Variants in CRAMP1 observed in about 807,000 individuals in gnomAD.
The protein encoded by CRAMP1 is cramped chromatin regulator 1, also known as protein cramped-like.
Under a neutral mutation model 115.4 loss-of-function variants are expected in CRAMP1, and 50 were observed. That is an observed-to-expected ratio of 0.43 (90% CI 0.35 to 0.55). The LOEUF (loss-of-function observed/expected upper bound fraction) is 0.55. Among genes scored for constraint, CRAMP1 ranks in the 20% least tolerant of loss-of-function variants. CRAMP1 has a pLI of 0.01. For missense variants in CRAMP1, 1,679 were observed against 1,721.7 expected (o/e 0.98, Z 0.44); for synonymous variants, 866 against 745.4 (o/e 1.16, Z -2.64).
At chr16:1,619,935 A>G (rs1198544913) in intron 2 of CRAMP1, among the ~76,000 whole-genome samples, 7 of 152,178 alleles carry the variant, frequency 4.6e-5, no homozygotes, top group African/African-American at 7.2e-5. Flanking sequence ...GATTGATGGG[A>G]CAATGCGAGG....
intron 18 of CRAMP1, 41 bp downstream of exon 18, chr16:1,668,234 T>A: frequency 7.2e-7 from 1 of 1,393,848 alleles, no homozygotes; most frequent in Non-Finnish European, 1.0e-6. Context: ...TGTCATCAGG[T>A]GTTGATCTCC....
intron 2 of CRAMP1, among the ~76,000 whole-genome samples, chr16:1,618,608 G>A (rs988839940): frequency 1.3e-5 from 2 of 152,198 alleles, no homozygotes; most frequent in Non-Finnish European, 1.5e-5. Context: ...ATAGGGTAAT[G>A]TAGTCTGAAG....
At chr16:1,621,990 C>T (rs1379848810) in intron 2 of CRAMP1, among the ~76,000 whole-genome samples, 1 of 152,170 alleles carries the variant, frequency 6.6e-6, no homozygotes, top group Non-Finnish European at 1.5e-5. Context: ...TCAGTCATCA[C>T]CTTCTGTTTT....
chr16:1,656,861 C>A lies in CRAMP1; in HGVS notation c.2104C>A (p.Gln702Lys), dbSNP rs755238832. 1.2e-5 allele frequency: 18 copies of A among 1,551,304 alleles called. No homozygotes were observed. In the Admixed American group the frequency reaches 3.3e-4, roughly 29 times the overall value. The change falls in exon 10 of 21, where the codon CAG (glutamine) becomes AAG (lysine). Residue 702 changes from glutamine (Q) to lysine (K), a missense_variant. By Grantham distance (53) the Gln-to-Lys change is moderately conservative. This residue lies in a region of CRAMP1 where 11 missense variants were observed against 29.7 expected (regional missense o/e 0.37). Transcript: ENST00000397412. The surrounding 1 kb of genome is among the most constrained non-coding windows in gnomAD (Gnocchi z 5.6). ...CATGATGGGCAAGCCCAGCAAGCTG[C>A]AGCTGGAGTACGACTGGCTGGGGCC... ...YLMMGKPSKL[Q>K]LEYDWLGPGR...
chr16:1,637,163 G>A (rs377299610), intron 4 of CRAMP1, among the ~76,000 whole-genome samples: 1 of 152,186 alleles, frequency 6.6e-6, no homozygotes, highest in East Asian at 1.9e-4. Flanking sequence ...CCATAATGGT[G>A]TGCACCTGTA....
At chr16:1,662,126 C>G (rs547937233) in intron 11 of CRAMP1, among the ~76,000 whole-genome samples, 2 of 152,350 alleles carry the variant, frequency 1.3e-5, no homozygotes, top group East Asian at 3.9e-4. Flanking sequence ...CATTGGTTTT[C>G]TGGCCCTTCA....
At position 1,637,579 on chromosome 16, in the gene CRAMP1, T is replaced by C. The variant is rs575769714; in HGVS notation, c.695-245T>C. On this transcript the variant is annotated intron_variant, in intron 4 of 20. Transcript: ENST00000397412. ...TTGTGTTTTCTCCTCCAGGGGACATTTCCTCTGCCTATTGGGGTAAATTTC... is the reference window on the plus strand; with the variant it reads ...TTGTGTTTTCTCCTCCAGGGGACATCTCCTCTGCCTATTGGGGTAAATTTC... Among the ~76,000 whole-genome samples, 6 of 152,224 alleles carry C rather than the reference T, an allele frequency of 3.9e-5. No individual in the cohort carries two copies. In the East Asian group the frequency reaches 1.2e-3, roughly 29 times the overall value.
chr16:1,629,055 C>G, intron 3 of CRAMP1, among the ~76,000 whole-genome samples: 1 of 152,222 alleles, frequency 6.6e-6, no homozygotes, highest in Non-Finnish European at 1.5e-5. Context: ...TGTGGCAGGT[C>G]TGCACAGACC....
intron 11 of CRAMP1, 110 bp downstream of exon 11, chr16:1,660,173 A>G: frequency 1.1e-6 from 1 of 909,394 alleles, no homozygotes; most frequent in Non-Finnish European, 1.6e-6. Context: ...GCCGGACCCC[A>G]CTGGCCAGCT....
In CRAMP1 at chr16:1,668,153, C is replaced by T. The variant is rs1443139466; in HGVS notation, c.3294C>T (p.Ser1098=). The T allele has an allele frequency of 2.5e-6, 4 of 1,613,648 alleles. No homozygotes were observed. Among genetic ancestry groups the T allele is most frequent in the Non-Finnish European group, 3.4e-6 (4 of 1,179,856 alleles). The change falls in exon 18 of 21, where the codon AGC becomes AGT. Residue 1098 remains serine (S), a synonymous_variant. Coordinates refer to ENST00000397412, the MANE Select transcript of CRAMP1 (RefSeq NM_020825.4). ...LSQGEPATHI[S]DSIIEIAISS... is the part of the protein sequence containing the mutation. ...AGGGCGAGCCTGCCACACACATTAG[C>T]GACTCCATCATTGAGATCGCCATCA...
At chr16:1,634,271 T>C (rs973882408) in intron 4 of CRAMP1, among the ~76,000 whole-genome samples, 7 of 152,210 alleles carry the variant, frequency 4.6e-5, no homozygotes, top group African/African-American at 9.6e-5. Context: ...CGTAGACTTA[T>C]CTCCTCTTCT....
At chr16:1,645,872 T>C (rs1232701584) in intron 6 of CRAMP1, among the ~76,000 whole-genome samples, 1 of 151,684 alleles carries the variant, frequency 6.6e-6, no homozygotes, top group Non-Finnish European at 1.5e-5. Flanking sequence ...TGTAGAGTTG[T>C]GTAGCTGCCA....
intron 10 of CRAMP1, among the ~76,000 whole-genome samples, chr16:1,659,450 G>A (rs2036804608): frequency 6.6e-6 from 1 of 152,040 alleles, no homozygotes; most frequent in African/African-American, 2.4e-5. Flanking sequence ...GAGTGCAGTG[G>A]TGCGATCTCG....
Position 1,616,672 on chromosome 16 carries a change from A to G in CRAMP1, c.346+1687A>G, listed in dbSNP as rs540029530. Among the ~76,000 whole-genome samples the G allele has an allele frequency of 3.3e-5, 5 of 152,274 alleles. No homozygotes were observed. The South Asian group carries it at 1.0e-3, about 32-fold the overall frequency. On this transcript the variant is annotated intron_variant, in intron 2 of 20. Transcript: ENST00000397412. The stretch of plus-strand genomic sequence containing the variant: ...CTTGGCTCACACTTAGGTTGCTGGC[A>G]CTTCTTTCTTTGCTTCTTGTCCCAT...
Position 1,614,367 on chromosome 16 carries a change from C to G in CRAMP1, c.-1-272C>G, listed in dbSNP as rs1178507802. Among the ~76,000 whole-genome samples, 3 of 141,082 alleles carry G rather than the reference C, an allele frequency of 2.1e-5. No individual in the cohort carries two copies. The highest frequency in any genetic ancestry group is 7.7e-5 in the African/African-American group (3 of 39,036). The allele number at this position is 141,082 out of a possible 152,430, so 92.6% of individuals were successfully genotyped here. ...AGGGTCCGCCGAGCTGTCGCGCCCT[C>G]CCGCCGCCGGCCCGGGCGTCTGGAC... On this transcript the variant is annotated intron_variant, in intron 1 of 20. Coordinates refer to ENST00000397412, the MANE Select transcript of CRAMP1 (RefSeq NM_020825.4). This position sits in a 1 kb window ranked among gnomAD's most constrained non-coding sequence, Gnocchi z 4.4.
chr16:1,641,477 T>G (rs1429958000), intron 6 of CRAMP1, among the ~76,000 whole-genome samples: 1 of 152,178 alleles, frequency 6.6e-6, no homozygotes, highest in Non-Finnish European at 1.5e-5. Flanking sequence ...GCCCTGCTTT[T>G]TGTGCTCCTT....
chr16:1,620,537 A>T (rs1395994345), intron 2 of CRAMP1: 1 of 431,692 alleles, frequency 2.3e-6, no homozygotes, highest in East Asian at 7.3e-5. Flanking sequence ...CTCTGAAGGA[A>T]GTTCACCAAA....
chr16:1,666,052 C>T lies in CRAMP1; in HGVS notation c.2753-21C>T. The T allele has an allele frequency of 6.5e-7, 1 of 1,547,274 alleles. No individual in the cohort carries two copies. Among genetic ancestry groups the T allele is most frequent in the Non-Finnish European group, 8.8e-7 (1 of 1,135,328 alleles). ...ATGGCGGGCGGGCTCGACATGTCTGCTTTTGCCCTCGCCCTCGCAGGGAGA... is the reference window on the plus strand; with the variant it reads ...ATGGCGGGCGGGCTCGACATGTCTGTTTTTGCCCTCGCCCTCGCAGGGAGA... On this transcript the variant is annotated intron_variant, in intron 14 of 20. Transcript: ENST00000397412. The surrounding 1 kb of genome is among the most constrained non-coding windows in gnomAD (Gnocchi z 5.0).
intron 7 of CRAMP1, 110 bp downstream of exon 7, chr16:1,652,691 C>G: frequency 5.2e-6 from 5 of 961,144 alleles, no homozygotes; most frequent in Non-Finnish European, 6.4e-6. Context: ...GTGTCTGACC[C>G]TGCTTAATCC....
Sources: gnomAD v4.1 joint callset for allele counts (sites outside exome capture counted in the v4.1 genomes callset) on GRCh38, gnomAD v4.1.1 for gene constraint, gnomAD v4.1.1 regional missense constraint, Gnocchi (gnomAD v3.1) non-coding constraint, MANE v1.5 for transcripts, NCBI Gene and HGNC (gene_info 2026-07-23, HGNC 2026-07-21) for gene names.